Variants in EIF4A2 observed in about 807,000 individuals in gnomAD.
EIF4A2 encodes the protein eukaryotic translation initiation factor 4A2, also known as eukaryotic initiation factor 4A-II.
EIF4A2 carries 9 observed loss-of-function variants against 50.6 expected under a neutral mutation model. The observed-to-expected ratio is 0.18, with a 90% CI of 0.11 to 0.31. The LOEUF is 0.31. EIF4A2 is among the 10% of genes least tolerant of loss of function. The pLI, the probability that EIF4A2 is intolerant of heterozygous loss-of-function variation, is 1.00. For missense variants in EIF4A2, 182 were observed against 501.8 expected, an observed-to-expected ratio of 0.36 and a Z score of 6.09; for synonymous variants, 215 against 164.4, an observed-to-expected ratio of 1.31 and a Z score of -2.35.
In EIF4A2 at chr3:186,789,185, AGAC is replaced by A; in HGVS notation, c.1141_1143del (p.Asp381del). 1.2e-6 allele frequency: 2 copies of A among 1,613,826 alleles called. No homozygotes were observed. The highest frequency in any genetic ancestry group is 1.7e-6 in the Non-Finnish European group (2 of 1,179,812). On this transcript the variant is annotated inframe_deletion, in exon 11 of 11. Transcript: ENST00000323963. ...TGGCTATAAACTTTGTTACTGAAGA[AGAC>A]AAGAGGATTCTTCGTGACATTGAGA...
In EIF4A2 at chr3:186,783,761, T is replaced by C. The variant is rs373057867; in HGVS notation, c.29+122T>C. On this transcript the variant is annotated intron_variant, in intron 1 of 10. Coordinates refer to ENST00000323963, the MANE Select transcript of EIF4A2 (RefSeq NM_001967.4). ...TGGACGTTTTCTTAGGGTACAGCACTCCTGTGCCCTTCCAGAAGCTTCCAT... is the reference window on the plus strand; with the variant it reads ...TGGACGTTTTCTTAGGGTACAGCACCCCTGTGCCCTTCCAGAAGCTTCCAT... The C allele has an allele frequency of 2.0e-6, 3 of 1,481,720 alleles. No individual in the cohort carries two copies. The African/African-American group carries it at 4.2e-5, about 21-fold the overall frequency. The allele number at this position is 1,481,720 out of a possible 1,614,324, so 91.8% of individuals were successfully genotyped here.
At chr3:186,784,182 A>C in intron 1 of EIF4A2, 4 of 570,492 alleles carry the variant, frequency 7.0e-6, no homozygotes, top group Non-Finnish European at 1.2e-5. Context: ...CGGCGCTCCG[A>C]GCTCTCGCGA....
In EIF4A2 at chr3:186,783,620, G is replaced by A. The variant is rs750826078; in HGVS notation, c.10G>A (p.Gly4Ser). Residue 4 changes from glycine (G) to serine (S), a missense_variant, in exon 1 of 11, where the codon GGC becomes AGC. Around this residue, in one of 7 missense-constraint regions of EIF4A2, gnomAD observed 43 missense variants for 22.2 expected, o/e 1.93. Coordinates refer to ENST00000323963, the MANE Select transcript of EIF4A2 (RefSeq NM_001967.4). The part of the protein sequence containing the change: MSG[G>S]SADYNREHGG... ...AGTGGTTTTTCGGATCATGTCTGGT[G>A]GCTCCGCGGATTATAACAGGTATGC... The A allele has an allele frequency of 1.2e-6, 2 of 1,614,176 alleles. No homozygotes were observed. The highest frequency in any genetic ancestry group is 3.3e-5 in the Admixed American group (2 of 60,018).
chr3:186,789,200 T>C lies in EIF4A2; in HGVS notation c.1155T>C (p.Leu385=). The C allele has an allele frequency of 6.2e-7, 1 of 1,613,698 alleles. No individual in the cohort carries two copies. The highest frequency in any genetic ancestry group is 1.3e-5 in the African/African-American group (1 of 75,028). The change falls in exon 11 of 11, where the codon CTT becomes CTC. Residue 385 remains leucine, a synonymous_variant. Coordinates refer to ENST00000323963, the MANE Select transcript of EIF4A2 (RefSeq NM_001967.4). ...TTACTGAAGAAGACAAGAGGATTCTTCGTGACATTGAGACTTTCTACAATA... is the reference window on the plus strand; with the variant it reads ...TTACTGAAGAAGACAAGAGGATTCTCCGTGACATTGAGACTTTCTACAATA... ...NFVTEEDKRI[L]RDIETFYNTT... is the part of the protein sequence containing the mutation.
intron 7 of EIF4A2, 89 bp from the exon 8 acceptor site, chr3:186,787,038 A>G: frequency 2.6e-6 from 4 of 1,524,738 alleles, no homozygotes; most frequent in East Asian, 2.7e-5. Context: ...GATTACAGGC[A>G]TTAGCACTGT....
chr3:186,789,516 T>G lies in EIF4A2; in HGVS notation c.*247T>G. The G allele has an allele frequency of 2.5e-6, 1 of 396,508 alleles. No individual in the cohort carries two copies. Among genetic ancestry groups the G allele is most frequent in the Non-Finnish European group, 4.4e-6 (1 of 225,798 alleles). 24.6% of individuals were successfully genotyped at this position (396,508 alleles called of 1,614,324 possible). A position where few individuals can be genotyped will look rare whatever the true frequency, so the allele number is the denominator to read the frequency against. ...AAGATGGGGTCTGTAAAATCTTTCT[T>G]TCTTAGAAATTTATTTCCTAGTTCT... On this transcript the variant is annotated 3_prime_UTR_variant, in exon 11 of 11. Transcript: ENST00000323963.
rs1721760789 is a variant in EIF4A2, at chr3:186,786,927, C to G, written c.772-200C>G. 1.2e-5 allele frequency: 11 copies of G among 915,178 alleles called. No individual in the cohort carries two copies. The East Asian group carries it at 2.7e-4, about 22-fold the overall frequency. 56.7% of individuals were successfully genotyped at this position (915,178 alleles called of 1,614,324 possible). A position where few individuals can be genotyped will look rare whatever the true frequency, so the allele number is the denominator to read the frequency against. On this transcript the variant is annotated intron_variant, in intron 7 of 10. Transcript: ENST00000323963. ...GACTGGGTTATGAGACTGGCTAAGACTGGCCAATTTTGGTATTTTGGGTAG... is the reference window on the plus strand; with the variant it reads ...GACTGGGTTATGAGACTGGCTAAGAGTGGCCAATTTTGGTATTTTGGGTAG...
rs199510298 is a variant in EIF4A2 at position 186,789,137 on chromosome 3, G to C, written c.1092G>C (p.Gly364=). 1 of 1,613,382 alleles carries C rather than the reference G, an allele frequency of 6.2e-7. No homozygotes were observed. The highest frequency in any genetic ancestry group is 1.3e-5 in the African/African-American group (1 of 74,882). ...RENYIHRIGR[G]GRFGRKGVAI... is the part of the protein sequence containing the mutation. ...TTTTCTTACACAGAATTGGCAGAGG[G>C]GGTCGATTTGGGAGGAAAGGTGTGG... Residue 364 remains glycine (G), a synonymous_variant, in exon 11 of 11, where the codon GGG becomes GGC. Transcript: ENST00000323963.
intron 1 of EIF4A2, chr3:186,784,222 T>C (rs1438012145): frequency 1.5e-6 from 1 of 658,806 alleles, no homozygotes; most frequent in African/African-American, 1.8e-5. Flanking sequence ...GGGATCGCCA[T>C]GCGCTCGGGC....
In EIF4A2 at chr3:186,785,749, T is replaced by G. The variant is rs568781802; in HGVS notation, c.349-134T>G. ...TGCAGCAGTTAGGTCGTCTGCATTT[T>G]AAGCTTGGAAGTAGTTTTGTGCTGT... On this transcript the variant is annotated intron_variant, in intron 4 of 10. Transcript: ENST00000323963. 3.4e-6 allele frequency: 4 copies of G among 1,161,510 alleles called. No individual in the cohort carries two copies. The East Asian group carries it at 1.0e-4, about 29-fold the overall frequency. The allele number at this position is 1,161,510 out of a possible 1,614,324, so 72.0% of individuals were successfully genotyped here. A position where few individuals can be genotyped will look rare whatever the true frequency, so the allele number is the denominator to read the frequency against.
At chr3:186,787,924 C>G in intron 10 of EIF4A2, 42 bp downstream of exon 10, 1 of 1,587,882 alleles carries the variant, frequency 6.3e-7, no homozygotes, top group Non-Finnish European at 8.6e-7. Flanking sequence ...AAAATTCATA[C>G]GTTTTTCTAC....
rs1722010332 is a variant in EIF4A2, at chr3:186,789,825, C to A, written c.*556C>A. ...AAGCAATCCTAGGTAGGGTTTAATC[C>A]CCAGTAAAATTGCCATATTGCACAT... On this transcript the variant is annotated 3_prime_UTR_variant, in exon 11 of 11. Transcript: ENST00000323963. The A allele has an allele frequency of 3.2e-6, 2 of 634,880 alleles. No homozygotes were observed. The highest frequency in any genetic ancestry group is 4.0e-5 in the South Asian group (2 of 50,598). The allele number at this position is 634,880 out of a possible 1,614,324, so 39.3% of individuals were successfully genotyped here.
chr3:186,786,742 G>C, intron 7 of EIF4A2, 97 bp downstream of exon 7: 1 of 1,509,154 alleles, frequency 6.6e-7, no homozygotes, highest in Non-Finnish European at 9.2e-7. Context: ...TTGCAATAAT[G>C]CTAGCAGAGT....
Position 186,789,247 on chromosome 3 carries a change from T to C in EIF4A2, c.1202T>C (p.Met401Thr). Residue 401 changes from methionine (M) to threonine (T), a missense_variant, in exon 11 of 11, where the codon ATG becomes ACG. Met to Thr is a moderately conservative substitution (Grantham distance 81). Transcript: ENST00000323963. ...AATACTACAGTGGAGGAGATGCCCA[T>C]GAATGTGGCTGACCTTATTTAATTC... is the stretch of plus-strand genomic sequence containing the variant. ...FYNTTVEEMPMNVADLI is the reference protein window; with the variant it reads ...FYNTTVEEMPTNVADLI The C allele has an allele frequency of 6.2e-7, 1 of 1,610,660 alleles. No individual in the cohort carries two copies. The highest frequency in any genetic ancestry group is 8.5e-7 in the Non-Finnish European group (1 of 1,179,096).
rs1302154043 is a variant in EIF4A2, at chr3:186,786,573, T to A, written c.699T>A (p.Ile233=). The change falls in exon 7 of 11, where the codon ATT becomes ATA. Residue 233 remains isoleucine (I), a synonymous_variant. Coordinates refer to ENST00000323963, the MANE Select transcript of EIF4A2 (RefSeq NM_001967.4). ...EVTKKFMRDP[I]RILVKKEELT... is the part of the protein sequence containing the mutation. ...CCAAAAAATTCATGAGAGATCCAAT[T>A]CGAATTCTGGTGAAAAAGGAAGAAT... The A allele has an allele frequency of 6.2e-7, 1 of 1,613,802 alleles. No homozygotes were observed. Among genetic ancestry groups the A allele is most frequent in the South Asian group, 1.1e-5 (1 of 91,064 alleles).
At position 186,786,507 on chromosome 3, in the gene EIF4A2, G is replaced by A; in HGVS notation, c.633G>A (p.Val211=). ...FQKLNTSIQV[V]LLSATMPTDV... Reference sequence around the variant, plus strand: ...CATAATTTTCTCTTTTTAAGGTTGTGTTGCTTTCTGCCACAATGCCAACTG... The same window carrying A: ...CATAATTTTCTCTTTTTAAGGTTGTATTGCTTTCTGCCACAATGCCAACTG... Residue 211 remains valine, a synonymous_variant, in exon 7 of 11, where the codon GTG becomes GTA. Transcript: ENST00000323963. The A allele has an allele frequency of 6.2e-7, 1 of 1,611,840 alleles. No individual in the cohort carries two copies. Among genetic ancestry groups the A allele is most frequent in the East Asian group, 2.2e-5 (1 of 44,858 alleles).
intron 4 of EIF4A2, 198 bp downstream of exon 4, chr3:186,785,299 T>C (rs76647428): frequency 0.012 from 8,476 of 708,704 alleles, 208 homozygotes; most frequent in East Asian, 0.082. Flanking sequence ...TGTATACTAA[T>C]AGATTGAGAA....
At chr3:186,784,021 C>T (rs189075668) in intron 1 of EIF4A2, 6 of 407,424 alleles carry the variant, frequency 1.5e-5, no homozygotes, top group Admixed American at 4.1e-5. Context: ...CTAGGCTTTA[C>T]TTGGGGAAGG....
At position 186,789,894 on chromosome 3, in the gene EIF4A2, T is replaced by C. The variant is rs1248734162; in HGVS notation, c.*625T>C. 17 of 929,638 alleles carry C rather than the reference T, an allele frequency of 1.8e-5. No individual in the cohort carries two copies. The highest frequency in any genetic ancestry group is 4.5e-5 in the South Asian group (3 of 67,028). 57.6% of individuals were successfully genotyped at this position (929,638 alleles called of 1,614,324 possible). A position where few individuals can be genotyped will look rare whatever the true frequency, so the allele number is the denominator to read the frequency against. On this transcript the variant is annotated 3_prime_UTR_variant, in exon 11 of 11. Coordinates refer to ENST00000323963, the MANE Select transcript of EIF4A2 (RefSeq NM_001967.4). ...TGTTAAATAAATTGTATATTCACTT[T>C]AAAGGTGCTTTTGGTCATTTTATTT...
Sources: gnomAD v4.1 joint callset for allele counts on GRCh38, gnomAD v4.1.1 for gene constraint, gnomAD v4.1.1 regional missense constraint, MANE v1.5 for transcripts, NCBI Gene and HGNC (gene_info 2026-07-23, HGNC 2026-07-21) for gene names.